Variants in SH3YL1 observed in about 807,000 individuals in gnomAD.
SH3YL1 encodes the protein SH3 and SYLF domain containing 1, also known as SH3 domain-containing YSC84-like protein 1.
Under a neutral mutation model 45.8 loss-of-function variants are expected in SH3YL1, and 41 were observed. The ratio of observed to expected loss-of-function variants is 0.89; its 90% confidence interval spans 0.70 to 1.16. The LOEUF (loss-of-function observed/expected upper bound fraction) is 1.16, where lower values mean the gene tolerates loss of function less well. Among genes scored for constraint, SH3YL1 ranks in the 50% most tolerant of loss-of-function variants. The pLI is 0.00. For missense variants in SH3YL1, 389 were observed against 409.6 expected (o/e 0.95, Z 0.43); for synonymous variants, 152 against 151.4 (o/e 1.00, Z -0.03).
intron 1 of SH3YL1, among the ~76,000 whole-genome samples, chr2:258,413 A>C (rs1458155259): frequency 6.6e-6 from 1 of 151,996 alleles, no homozygotes; most frequent in East Asian, 1.9e-4. Context: ...TTTTTGTGTA[A>C]AATAGGTGTT....
intron 3 of SH3YL1, among the ~76,000 whole-genome samples, chr2:249,489 A>C (rs1177710527): frequency 6.6e-6 from 1 of 152,220 alleles, no homozygotes; most frequent in Non-Finnish European, 1.5e-5. Flanking sequence ...TGCATGCAAA[A>C]CAAAGTTATA....
At chr2:220,990 G>A (rs997227422) in intron 9 of SH3YL1, among the ~76,000 whole-genome samples, 1 of 152,176 alleles carries the variant, frequency 6.6e-6, no homozygotes. Flanking sequence ...AATGATAACA[G>A]CAATCGATGT....
intron 9 of SH3YL1, among the ~76,000 whole-genome samples, chr2:219,675 G>A (rs1396431922): frequency 6.6e-6 from 1 of 152,174 alleles, no homozygotes; most frequent in Non-Finnish European, 1.5e-5. Context: ...GGCAGATGCT[G>A]GAGAAAGGCA....
intron 4 of SH3YL1, among the ~76,000 whole-genome samples, chr2:239,264 C>T (rs1668440046): frequency 6.6e-6 from 1 of 152,178 alleles, no homozygotes; most frequent in Non-Finnish European, 1.5e-5. Context: ...CCTAAGGCAT[C>T]CATTGCAACT....
intron 4 of SH3YL1, 75 bp from the exon 5 acceptor site, chr2:234,347 C>A: frequency 9.4e-7 from 1 of 1,064,748 alleles, no homozygotes; most frequent in South Asian, 1.4e-5. Flanking sequence ...GACTAACACT[C>A]AACTACACCA....
chr2:238,773 T>TTCTCACAA (rs1668415483), intron 4 of SH3YL1, among the ~76,000 whole-genome samples: 2 of 152,338 alleles, frequency 1.3e-5, no homozygotes, highest in East Asian at 3.9e-4. Context: ...ACGACTTCAC[T>TTCTCACAA]TCTCACAATC....
chr2:243,690 T>C, intron 4 of SH3YL1: 1 of 1,043,906 alleles, frequency 9.6e-7, no homozygotes, highest in Non-Finnish European at 1.3e-6. Flanking sequence ...CTTAGTACCT[T>C]AAGTTTCTTC....
At chr2:234,319 T>G (rs1231566513) in intron 4 of SH3YL1, 47 bp from the exon 5 acceptor site, 1 of 1,416,470 alleles carries the variant, frequency 7.1e-7, no homozygotes, top group East Asian at 2.3e-5. Flanking sequence ...AGACTAAATA[T>G]CATTTAAAAT....
chr2:250,877 G>A (rs551543389), intron 2 of SH3YL1, among the ~76,000 whole-genome samples: 3 of 152,256 alleles, frequency 2.0e-5, no homozygotes, highest in Admixed American at 1.3e-4. Context: ...GTTGCATCCT[G>A]GATGGCTGTC....
rs1450705036 is a variant in SH3YL1 at position 262,728 on chromosome 2, G to A, written c.1+1256C>T. 24 of 1,277,838 alleles carry A rather than the reference G, an allele frequency of 1.9e-5. No homozygotes were observed. In the East Asian group the frequency reaches 1.2e-3, roughly 63 times the overall value. The allele number at this position is 1,277,838 out of a possible 1,614,324, so 79.2% of individuals were successfully genotyped here. ...GACTGCCTCAACTTCCTATGTTTGT[G>A]TTGACATGCCAGATCCTTATTTCTG... On this transcript the variant is annotated intron_variant, in intron 1 of 9. Coordinates refer to ENST00000356150, the MANE Select transcript of SH3YL1 (RefSeq NM_015677.4).
intron 1 of SH3YL1, among the ~76,000 whole-genome samples, chr2:257,960 T>C (rs1669420940): frequency 6.6e-6 from 1 of 152,186 alleles, no homozygotes; most frequent in South Asian, 2.1e-4. Flanking sequence ...TATCAGATGA[T>C]TGTAGCTGTG....
At chr2:259,960 ATATTTC>A (rs765179702) in intron 1 of SH3YL1, 1 of 152,076 alleles carries the variant, frequency 6.6e-6, no homozygotes, top group East Asian at 1.9e-4. Flanking sequence ...CAAAATTTCT[ATATTTC>A]TATATTTTTA....
At chr2:248,178 C>A (rs1668919155) in intron 3 of SH3YL1, among the ~76,000 whole-genome samples, 3 of 152,148 alleles carry the variant, frequency 2.0e-5, no homozygotes, top group Admixed American at 2.0e-4. Flanking sequence ...TACAGTAATT[C>A]CATTTGCCAT....
chr2:231,143 T>C lies in SH3YL1; in HGVS notation c.582A>G (p.Thr194=), dbSNP rs1164014148. The C allele has an allele frequency of 1.9e-6, 3 of 1,613,700 alleles. No homozygotes were observed. The highest frequency in any genetic ancestry group is 2.5e-6 in the Non-Finnish European group (3 of 1,179,758). Residue 194 remains threonine (T), a synonymous_variant, in exon 7 of 10, where the codon ACA becomes ACG. Coordinates refer to ENST00000356150, the MANE Select transcript of SH3YL1 (RefSeq NM_015677.4). Reference sequence around the variant, plus strand: ...GATCTTCGGCTTGAGCAGGCCGCGGTGTATCTCCAAATAAAATGTCATAAG... The same window carrying C: ...GATCTTCGGCTTGAGCAGGCCGCGGCGTATCTCCAAATAAAATGTCATAAG... The part of the protein sequence containing the change: ...IRAYDILFGD[T]PRPAQAEDLY...
intron 9 of SH3YL1, among the ~76,000 whole-genome samples, chr2:223,964 G>T (rs1667687843): frequency 6.6e-6 from 1 of 152,114 alleles, no homozygotes; most frequent in African/African-American, 2.4e-5. Flanking sequence ...TCTCTTCAGG[G>T]GATGCTGCTT....
At chr2:248,015 T>C (rs1458854231) in intron 3 of SH3YL1, among the ~76,000 whole-genome samples, 2 of 152,200 alleles carry the variant, frequency 1.3e-5, no homozygotes, top group Non-Finnish European at 2.9e-5. Flanking sequence ...TTCGAGAGAG[T>C]TGATTATCTA....
intron 6 of SH3YL1, among the ~76,000 whole-genome samples, chr2:232,439 A>G (rs1054540071): frequency 2.4e-5 from 1 of 42,420 alleles, no homozygotes; most frequent in African/African-American, 1.4e-4. Context: ...ACTTATGTTT[A>G]AGTTTCTTTT....
At chr2:261,616 G>C (rs1161748106) in intron 1 of SH3YL1, among the ~76,000 whole-genome samples, 1 of 152,158 alleles carries the variant, frequency 6.6e-6, no homozygotes, top group African/African-American at 2.4e-5. Flanking sequence ...AATAATTTTA[G>C]GTATTGATCG....
At chr2:250,593 G>A (rs1244470753) in intron 2 of SH3YL1, among the ~76,000 whole-genome samples, 1 of 152,132 alleles carries the variant, frequency 6.6e-6, no homozygotes, top group Non-Finnish European at 1.5e-5. Context: ...AAACTAACGA[G>A]GGAAGCCTAA....
Sources: gnomAD v4.1 joint callset for allele counts (sites outside exome capture counted in the v4.1 genomes callset) on GRCh38, gnomAD v4.1.1 for gene constraint, MANE v1.5 for transcripts, NCBI Gene and HGNC (gene_info 2026-07-23, HGNC 2026-07-21) for gene names.